NECTIN1: variants seen among roughly 807,000 people sequenced by gnomAD.
NECTIN1 encodes nectin-1.
A neutral mutation model predicts 48.0 loss-of-function variants in NECTIN1; 23 were observed. The ratio of observed to expected loss-of-function variants is 0.48; its 90% CI spans 0.34 to 0.68. The LOEUF is 0.68. NECTIN1 is among the 30% of genes least tolerant of loss of function. The pLI, the probability that NECTIN1 is intolerant of heterozygous loss-of-function variation, is 0.01. For synonymous variants in NECTIN1, 270 were observed against 288.9 expected (o/e 0.93, Z 0.66); for missense variants, 591 against 709.9 (o/e 0.83, Z 1.90).
intron 1 of NECTIN1, among the ~76,000 whole-genome samples, chr11:119,707,739 T>G (rs78028544): frequency 0.048 from 7,299 of 152,302 alleles, 576 homozygotes; most frequent in African/African-American, 0.16. Context: ...GTACATATTT[T>G]GGGGGTACAT....
intron 5 of NECTIN1, among the ~76,000 whole-genome samples, chr11:119,669,855 C>T (rs962479837): frequency 1.3e-5 from 2 of 152,158 alleles, no homozygotes; most frequent in Non-Finnish European, 2.9e-5. Context: ...CCCAACTACC[C>T]TATTTAAAAC....
chr11:119,696,062 C>T (rs963916506), intron 1 of NECTIN1, among the ~76,000 whole-genome samples: 1 of 152,336 alleles, frequency 6.6e-6, no homozygotes, highest in Middle Eastern at 3.4e-3. Context: ...CAAGGCACAG[C>T]CTTACAGTCC....
chr11:119,704,540 A>G (rs2135573667), intron 1 of NECTIN1, among the ~76,000 whole-genome samples: 1 of 152,248 alleles, frequency 6.6e-6, no homozygotes, highest in East Asian at 1.9e-4. Context: ...CTTGAAATGG[A>G]GAGCCCAGAG....
intron 1 of NECTIN1, among the ~76,000 whole-genome samples, chr11:119,701,975 G>C (rs545018899): frequency 1.3e-5 from 2 of 152,330 alleles, no homozygotes; most frequent in African/African-American, 4.8e-5. Context: ...AGGGGCGACA[G>C]TTGTAGCAAG....
chr11:119,647,703 C>A (rs1864416748), intron 5 of NECTIN1, among the ~76,000 whole-genome samples: 1 of 152,142 alleles, frequency 6.6e-6, no homozygotes, highest in South Asian at 2.1e-4. Context: ...GTGGGAAAGT[C>A]ATGACTGGAT....
At chr11:119,688,443 G>C (rs909224701) in intron 1 of NECTIN1, among the ~76,000 whole-genome samples, 3 of 152,012 alleles carry the variant, frequency 2.0e-5, no homozygotes, top group African/African-American at 4.8e-5. Context: ...ATTTTGGAGG[G>C]GGGGACTGTC....
chr11:119,711,096 G>A (rs1865636476), intron 1 of NECTIN1, among the ~76,000 whole-genome samples: 1 of 10,482 alleles, frequency 9.5e-5, no homozygotes, highest in African/African-American at 2.8e-4. Context: ...AAAGAAAGGG[G>A]CACGGGAGGC....
At chr11:119,644,818 G>A (rs1195564070) in intron 5 of NECTIN1, among the ~76,000 whole-genome samples, 1 of 152,114 alleles carries the variant, frequency 6.6e-6, no homozygotes, top group Non-Finnish European at 1.5e-5. Flanking sequence ...ATATGGCTGG[G>A]AAATGGGCTG....
In NECTIN1 at chr11:119,661,857, T is replaced by A; in HGVS notation, c.*2890A>T. On this transcript the variant is annotated 3_prime_UTR_variant, in exon 6 of 6. Coordinates refer to ENST00000264025, the MANE Select transcript of NECTIN1 (RefSeq NM_002855.5). ...ATGCGTGTGTACATGCGTGTACACA[T>A]GCCTGCGCGTGGGTGTGTTGGAGGT... 1.0e-6 allele frequency: 1 copy of A among 985,252 alleles called. No homozygotes were observed. Among genetic ancestry groups the A allele is most frequent in the Non-Finnish European group, 1.2e-6 (1 of 829,932 alleles). 61.0% of individuals were successfully genotyped at this position (985,252 alleles called of 1,614,324 possible).
chr11:119,660,631 G>C (rs1591445846), downstream of NECTIN1, among the ~76,000 whole-genome samples: 2 of 152,138 alleles, frequency 1.3e-5, no homozygotes, highest in East Asian at 3.9e-4. Flanking sequence ...TCTGGGGCAG[G>C]AGGCACCCGT....
chr11:119,687,479 T>C (rs1865178224), intron 1 of NECTIN1: 1 of 152,120 alleles, frequency 6.6e-6, no homozygotes, highest in Non-Finnish European at 1.5e-5. Flanking sequence ...GCAGGTCCCA[T>C]TGTCTGCCGC....
Position 119,717,812 on chromosome 11 carries a change from G to A in NECTIN1, c.79+10663C>T, listed in dbSNP as rs1057145909. ...GGCTCTGGGCAATGCTGGTCCCTTCGTGCTGGCTGGGCAATGCTCCGGCTT... is the reference window on the plus strand; with the variant it reads ...GGCTCTGGGCAATGCTGGTCCCTTCATGCTGGCTGGGCAATGCTCCGGCTT... On this transcript the variant is annotated intron_variant, in intron 1 of 5. Coordinates refer to ENST00000264025, the MANE Select transcript of NECTIN1 (RefSeq NM_002855.5). Among the ~76,000 whole-genome samples, 4 of 152,228 alleles carry A rather than the reference G, an allele frequency of 2.6e-5. No individual in the cohort carries two copies. In the East Asian group the frequency reaches 7.7e-4, roughly 29 times the overall value.
Position 119,722,723 on chromosome 11 carries a change from G to A in NECTIN1, c.79+5752C>T, listed in dbSNP as rs536218212. On this transcript the variant is annotated intron_variant, in intron 1 of 5. Coordinates refer to ENST00000264025, the MANE Select transcript of NECTIN1 (RefSeq NM_002855.5). The stretch of plus-strand genomic sequence containing the variant: ...CGCTTCCCAAGTAGCACCTGGCTGG[G>A]GACACGGGAAGTGAGGTCAGCAGTG... 3.2e-3 allele frequency among the ~76,000 whole-genome samples: 490 copies of A among 152,374 alleles called. 5 individuals are homozygous for A. The highest frequency in any genetic ancestry group is 0.011 in the African/African-American group (467 of 41,590).
At position 119,678,449 on chromosome 11, in the gene NECTIN1, G is replaced by T; in HGVS notation, c.396C>A (p.Gly132=). The T allele has an allele frequency of 6.2e-7, 1 of 1,614,228 alleles. No individual in the cohort carries two copies. ...YICEFATFPT[G]NRESQLNLTV... ...TGAGATTGAGCTGGCTTTCTCGATT[G>T]CCCGTAGGGAAGGTAGCAAACTCGC... The change falls in exon 2 of 6, where the codon GGC becomes GGA. Residue 132 remains glycine (G), a synonymous_variant. Transcript: ENST00000264025. The surrounding 1 kb of genome is among the most constrained non-coding windows in gnomAD (Gnocchi z 4.4).
chr11:119,665,980 C>T lies in NECTIN1; in HGVS notation c.1004-683G>A, dbSNP rs896036644. 1.3e-5 allele frequency among the ~76,000 whole-genome samples: 2 copies of T among 152,218 alleles called. No homozygotes were observed. The highest frequency in any genetic ancestry group is 3.4e-3 in the Middle Eastern group (1 of 294). ...GGCTCAGGAGATGCCCCGTGAGTGC[C>T]AATCAGCTGCCAAGGTGCCAGAAAC... On this transcript the variant is annotated intron_variant, in intron 5 of 5. Transcript: ENST00000264025. This position sits in a 1 kb window ranked among gnomAD's most constrained non-coding sequence, Gnocchi z 5.1.
chr11:119,670,920 T>C (rs1414557246), intron 5 of NECTIN1, among the ~76,000 whole-genome samples: 1 of 152,054 alleles, frequency 6.6e-6, no homozygotes, highest in African/African-American at 2.4e-5. Context: ...ATTACAGGTG[T>C]GAGCCACCAC....
intron 5 of NECTIN1, chr11:119,654,275 CCA>C: frequency 1.3e-5 from 2 of 152,066 alleles, no homozygotes; most frequent in Non-Finnish European, 2.9e-5. Context: ...ATCCATCCAT[CCA>C]TCCATCCATC....
intron 5 of NECTIN1, among the ~76,000 whole-genome samples, chr11:119,643,973 A>G (rs370042694): frequency 5.9e-5 from 9 of 152,230 alleles, no homozygotes; most frequent in African/African-American, 2.2e-4. Flanking sequence ...TCCAGGTCCC[A>G]CAGCTAGGGC....
chr11:119,710,796 T>C (rs1252985171), intron 1 of NECTIN1, among the ~76,000 whole-genome samples: 1 of 151,970 alleles, frequency 6.6e-6, no homozygotes, highest in Non-Finnish European at 1.5e-5. Flanking sequence ...AGTCCTGGTG[T>C]GGAGAGTATA....
Sources: allele counts gnomAD v4.1 joint callset (sites outside exome capture counted in the v4.1 genomes callset), GRCh38; gene constraint gnomAD v4.1.1; non-coding constraint Gnocchi (gnomAD v3.1); transcripts MANE v1.5; gene names NCBI Gene and HGNC (gene_info 2026-07-23, HGNC 2026-07-21).